Variants in CLEC12B observed in about 807,000 individuals in gnomAD.
CLEC12B encodes C-type lectin domain family 12 member B.
In CLEC12B, 25 loss-of-function variants were observed where a neutral mutation model predicts 36.1. The observed-to-expected ratio is 0.69, with a 90% confidence interval of 0.50 to 0.97. The LOEUF (loss-of-function observed/expected upper bound fraction) is 0.97. Ranked by LOEUF, CLEC12B falls within the 50% of genes least tolerant of loss-of-function variation. CLEC12B has a pLI of 0.00. For synonymous variants in CLEC12B, 110 were observed against 108.5 expected (o/e 1.01, Z -0.09); for missense variants, 325 against 318.4 (o/e 1.02, Z -0.16).
upstream of CLEC12B, among the ~76,000 whole-genome samples, chr12:10,008,057 G>T (rs1296060118): frequency 2.6e-5 from 4 of 152,278 alleles, no homozygotes; most frequent in African/African-American, 9.6e-5. Context: ...AACAGATCAT[G>T]GAAGAATTTC....
At chr12:10,017,639 G>A (rs1214174621) in intron 5 of CLEC12B, 1 of 985,790 alleles carries the variant, frequency 1.0e-6, no homozygotes, top group African/African-American at 1.7e-5. Flanking sequence ...AAAGGCCAAG[G>A]CTAAGATTTA....
chr12:10,014,432 T>G (rs1865420895), intron 2 of CLEC12B, 91 bp from the exon 3 acceptor site: 1 of 925,430 alleles, frequency 1.1e-6, no homozygotes, highest in South Asian at 1.7e-5. Context: ...TAATAAATCT[T>G]GAACAATTAA....
rs769823545 is a variant in CLEC12B, at chr12:10,014,708, A to G, written c.376A>G (p.Lys126Glu). Reference sequence around the variant, plus strand: ...GAAGAGGCAGGAACAAATGGCCATCAAACTGTGCCAAGAGCTAATCATTCA... The same window carrying G: ...GAAGAGGCAGGAACAAATGGCCATCGAACTGTGCCAAGAGCTAATCATTCA... ...VLKRQEQMAI[K>E]LCQELIIHTS... Residue 126 changes from lysine (K) to glutamate (E), a missense_variant, in exon 3 of 6, where the codon AAA (lysine) becomes GAA (glutamate). Lys to Glu is a moderately conservative substitution (Grantham distance 56). Coordinates refer to ENST00000338896, the MANE Select transcript of CLEC12B (RefSeq NM_001129998.3). 6 of 1,613,272 alleles carry G rather than the reference A, an allele frequency of 3.7e-6. No individual in the cohort carries two copies. The South Asian group carries it at 6.6e-5, about 18-fold the overall frequency.
rs1299053169 is a variant in CLEC12B, at chr12:10,018,486, C to T, written c.*5C>T. 1.9e-6 allele frequency: 3 copies of T among 1,547,588 alleles called. No individual in the cohort carries two copies. In the South Asian group the frequency reaches 3.6e-5, roughly 19 times the overall value. On this transcript the variant is annotated 3_prime_UTR_variant, in exon 6 of 6. Coordinates refer to ENST00000338896, the MANE Select transcript of CLEC12B (RefSeq NM_001129998.3). ...AAGACTGAGGATTTGGATTAGTATG[C>T]TTCTTCCAAATTCTCCAAGAAGTAA...
intron 5 of CLEC12B, chr12:10,017,850 C>T: frequency 1.0e-6 from 1 of 971,538 alleles, no homozygotes; most frequent in Middle Eastern, 5.3e-4. Flanking sequence ...ATCATTTCCT[C>T]TTTTAACGTC....
At position 10,014,531 on chromosome 12, in the gene CLEC12B, A is replaced by T. The variant is rs144806536; in HGVS notation, c.199A>T (p.Ile67Leu). The T allele has an allele frequency of 6.2e-7, 1 of 1,612,132 alleles. No individual in the cohort carries two copies. The highest frequency in any genetic ancestry group is 1.7e-5 in the Admixed American group (1 of 59,942). Reference protein sequence around the residue: ...LVTLGMMFLQISNDINSDSEK... With the variant: ...LVTLGMMFLQLSNDINSDSEK... ...CCTGTCATGTCTTGGAGTTTTGCAG[A>T]TATCTAATGACATTAACTCAGATTC... Residue 67 changes from isoleucine (I) to leucine (L), a missense_variant, in exon 3 of 6, where the codon ATA becomes TTA. Transcript: ENST00000338896.
intron 1 of CLEC12B, among the ~76,000 whole-genome samples, chr12:10,011,913 A>C (rs1865337482): frequency 6.6e-6 from 1 of 152,214 alleles, no homozygotes; most frequent in Non-Finnish European, 1.5e-5. Context: ...GATATGGTGC[A>C]TATCACAGTG....
Position 10,015,592 on chromosome 12 carries a change from TTC to T in CLEC12B, c.565-16_565-15del, listed in dbSNP as rs780990478. 6 of 1,613,216 alleles carry T rather than the reference TTC, an allele frequency of 3.7e-6. No homozygotes were observed. The Admixed American group carries it at 6.7e-5, about 18-fold the overall frequency. On this transcript the variant is annotated intron_variant, in intron 4 of 5. Coordinates refer to ENST00000338896, the MANE Select transcript of CLEC12B (RefSeq NM_001129998.3). Reference sequence around the variant, plus strand: ...GAATGTGGCGCTCACGTAAAACTTTTTCTCTGTTTTCTCTCTTAGGATTTTCT... The same window carrying T: ...GAATGTGGCGCTCACGTAAAACTTTTTCTGTTTTCTCTCTTAGGATTTTCT...
chr12:10,014,948 T>C (rs961904396), intron 3 of CLEC12B, among the ~76,000 whole-genome samples: 5 of 152,206 alleles, frequency 3.3e-5, no homozygotes, highest in African/African-American at 1.2e-4. Flanking sequence ...TATCTTGGAA[T>C]GATATCAATC....
intron 3 of CLEC12B, 41 bp from the exon 4 acceptor site, chr12:10,015,211 G>C: frequency 6.5e-7 from 1 of 1,539,156 alleles, no homozygotes; most frequent in South Asian, 1.2e-5. Context: ...AGTCACTCTA[G>C]AGTCTTCAGT....
chr12:10,010,200 TCACACACACACACACA>T (rs3053772), upstream of CLEC12B, among the ~76,000 whole-genome samples: 8 of 145,800 alleles, frequency 5.5e-5, no homozygotes, highest in Admixed American at 3.4e-4. Context: ...TGTCTCTCTC[TCACACACACACACACA>T]CACACACACA....
At chr12:10,014,467 T>C in intron 2 of CLEC12B, 56 bp from the exon 3 acceptor site, 1 of 1,218,922 alleles carries the variant, frequency 8.2e-7, no homozygotes, top group Non-Finnish European at 1.2e-6. Context: ...ACGAGAATTA[T>C]CTACAGTTAT....
rs1211321612 is a variant in CLEC12B at position 10,015,396 on chromosome 12, T to C, written c.554T>C (p.Leu185Ser). The change falls in exon 4 of 6, where the codon TTG (leucine) becomes TCG (serine). Residue 185 changes from leucine (L) to serine (S), a missense_variant. Leu to Ser is a moderately radical substitution (Grantham distance 145). Transcript: ENST00000338896. ...TCCACCCTAGTGAAGATAGACAGTT[T>C]GGAAGAAAAGGTAGGATTGAGTCTC... ...KNSTLVKIDSLEEKDFLMSQP... is the reference protein window; with the variant it reads ...KNSTLVKIDSSEEKDFLMSQP... 6.2e-7 allele frequency: 1 copy of C among 1,611,764 alleles called. No homozygotes were observed. Among genetic ancestry groups the C allele is most frequent in the African/African-American group, 1.3e-5 (1 of 74,734 alleles).
intron 1 of CLEC12B, 73 bp downstream of exon 1, chr12:10,010,923 T>A: frequency 1.1e-6 from 1 of 913,152 alleles, no homozygotes; most frequent in South Asian, 1.4e-5. Flanking sequence ...GGTGCCAGCT[T>A]TAATACTGGC....
intron 3 of CLEC12B, 118 bp from the exon 4 acceptor site, chr12:10,015,134 T>C (rs1392914578): frequency 1.2e-6 from 1 of 861,682 alleles, no homozygotes; most frequent in Non-Finnish European, 1.8e-6. Context: ...TAAAGCAGTA[T>C]GCTTTCAGGG....
At chr12:10,016,440 A>C (rs577459638) in intron 5 of CLEC12B, 6 of 161,038 alleles carry the variant, frequency 3.7e-5, no homozygotes, top group Non-Finnish European at 7.9e-5. Flanking sequence ...GTTATGAAAA[A>C]ATAGACGTCA....
intron 1 of CLEC12B, among the ~76,000 whole-genome samples, chr12:10,011,358 G>A (rs1865323412): frequency 6.6e-6 from 1 of 152,066 alleles, no homozygotes; most frequent in Non-Finnish European, 1.5e-5. Context: ...GTTGAAATCC[G>A]AGCATAATTT....
In CLEC12B at chr12:10,015,244, C is replaced by G. The variant is rs375975101; in HGVS notation, c.410-8C>G. ...AGTTTATATTATTGGGTATAATTTC[C>G]TTTTCAGACCACAGATGTAATCCAT... On this transcript the variant is annotated splice_polypyrimidine_tract_variant and splice_region_variant and intron_variant, in intron 3 of 5. Coordinates refer to ENST00000338896, the MANE Select transcript of CLEC12B (RefSeq NM_001129998.3). The G allele has an allele frequency of 6.7e-5, 108 of 1,606,652 alleles. 1 individual carries two copies. Among genetic ancestry groups the G allele is most frequent in the Middle Eastern group, 5.0e-4 (3 of 6,024 alleles).
In CLEC12B at chr12:10,015,723, T is replaced by C; in HGVS notation, c.676T>C (p.Ser226Pro). ...GGAAGATGGCTCTGTTCCCTCTCCA[T>C]CCTTGTACGTCTCTAACTATTGAGG... ...FWEDGSVPSP[S>P]LFSTKELDQI... is the part of the protein sequence containing the mutation. The change falls in exon 5 of 6, where the codon TCC becomes CCC. Residue 226 changes from serine (S) to proline (P), a missense_variant. Transcript: ENST00000338896. The C allele has an allele frequency of 6.2e-7, 1 of 1,613,540 alleles. No individual in the cohort carries two copies. The highest frequency in any genetic ancestry group is 8.5e-7 in the Non-Finnish European group (1 of 1,179,584).
Sources: allele counts gnomAD v4.1 joint callset (sites outside exome capture counted in the v4.1 genomes callset), GRCh38; gene constraint gnomAD v4.1.1; transcripts MANE v1.5; gene names NCBI Gene and HGNC (gene_info 2026-07-23, HGNC 2026-07-21).